Variants in RALGPS2 observed in about 807,000 individuals in gnomAD.
The protein encoded by RALGPS2 is ras-specific guanine nucleotide-releasing factor RalGPS2.
RALGPS2 carries 43 observed loss-of-function variants against 86.8 expected under a neutral mutation model. The ratio of observed to expected loss-of-function variants is 0.50; its 90% confidence interval spans 0.39 to 0.64. RALGPS2 has a LOEUF of 0.64. Among genes scored for constraint, RALGPS2 ranks in the 30% least tolerant of loss-of-function variants. RALGPS2 has a pLI of 0.00. For missense variants in RALGPS2, 536 were observed against 694.6 expected (o/e 0.77, Z 2.57); for synonymous variants, 243 against 231.3 (o/e 1.05, Z -0.46).
intron 4 of RALGPS2, among the ~76,000 whole-genome samples, chr1:178,790,463 A>G (rs1653897893): frequency 6.6e-6 from 1 of 152,200 alleles, no homozygotes. Flanking sequence ...CACCAAGGTA[A>G]TCACCATCCA....
intron 10 of RALGPS2, among the ~76,000 whole-genome samples, chr1:178,881,275 C>T (rs945801716): frequency 2.0e-5 from 3 of 152,132 alleles, no homozygotes; most frequent in East Asian, 1.9e-4. Flanking sequence ...CAGGAGACAG[C>T]GTCATCTGAG....
At chr1:178,778,715 T>TA (rs554348744) in intron 2 of RALGPS2, among the ~76,000 whole-genome samples, 6,095 of 142,574 alleles carry the variant, frequency 0.043, 133 homozygotes, top group Non-Finnish European at 0.055. Flanking sequence ...TATGCAGCCA[T>TA]AAAAAATGAT....
chr1:178,820,500 C>T (rs574091273), intron 6 of RALGPS2, among the ~76,000 whole-genome samples: 2 of 152,314 alleles, frequency 1.3e-5, no homozygotes, highest in South Asian at 2.1e-4. Context: ...CATAGCCCCT[C>T]ACTCTCAAGT....
At position 178,893,965 on chromosome 1, in the gene RALGPS2, G is replaced by C; in HGVS notation, c.1372G>C (p.Val458Leu). The change falls in exon 16 of 20, where the codon GTT (valine) becomes CTT (leucine). Residue 458 changes from valine to leucine, a missense_variant. By Grantham distance (32) the Val-to-Leu change is conservative (BLOSUM62 1). Coordinates refer to ENST00000367635, the MANE Select transcript of RALGPS2 (RefSeq NM_152663.5). ...DLAVHLYPGAVTIQGVLRRKT... is the reference protein window; with the variant it reads ...DLAVHLYPGALTIQGVLRRKT... ...GGCAGTACATTTATATCCAGGAGCTGTTACTATTCAAGGTGTTCTCAGGAG... is the reference window on the plus strand; with the variant it reads ...GGCAGTACATTTATATCCAGGAGCTCTTACTATTCAAGGTGTTCTCAGGAG... 1 of 1,609,278 alleles carries C rather than the reference G, an allele frequency of 6.2e-7. No individual in the cohort carries two copies. Among genetic ancestry groups the C allele is most frequent in the East Asian group, 2.2e-5 (1 of 44,678 alleles).
intron 7 of RALGPS2, among the ~76,000 whole-genome samples, chr1:178,831,469 A>G (rs1255437418): frequency 6.6e-6 from 1 of 152,052 alleles, no homozygotes; most frequent in Non-Finnish European, 1.5e-5. Context: ...TGTGGTGGTA[A>G]GGTGGTGTTA....
chr1:178,918,323 C>A lies in RALGPS2; in HGVS notation c.*1964C>A, dbSNP rs1448748740. 1 of 152,118 alleles carries A rather than the reference C, an allele frequency of 6.6e-6. No homozygotes were observed. The highest frequency in any genetic ancestry group is 1.5e-5 in the Non-Finnish European group (1 of 67,992). The allele number at this position is 152,118 out of a possible 1,614,324, so 9.4% of individuals were successfully genotyped here. On this transcript the variant is annotated 3_prime_UTR_variant, in exon 20 of 20. Transcript: ENST00000367635. Reference sequence around the variant, plus strand: ...AAAATTTCTTAATTTGTTTATTTCTCTTCAGAAATAGCGTTTTTAACAGTG... The same window carrying A: ...AAAATTTCTTAATTTGTTTATTTCTATTCAGAAATAGCGTTTTTAACAGTG...
chr1:178,844,627 AATTGCTT>A (rs1656778914), intron 8 of RALGPS2, among the ~76,000 whole-genome samples: 1 of 152,160 alleles, frequency 6.6e-6, no homozygotes, highest in African/African-American at 2.4e-5. Context: ...TGAAGGAAAA[AATTGCTT>A]TATAAGAGAA....
chr1:178,896,674 ATTG>A (rs1659958715), intron 16 of RALGPS2, among the ~76,000 whole-genome samples: 1 of 138,290 alleles, frequency 7.2e-6, no homozygotes, highest in African/African-American at 2.8e-5. Context: ...ATGTGATCTC[ATTG>A]TTCAATTCCC....
At chr1:178,813,613 A>G (rs1655094414) in intron 6 of RALGPS2, among the ~76,000 whole-genome samples, 1 of 152,254 alleles carries the variant, frequency 6.6e-6, no homozygotes, top group Non-Finnish European at 1.5e-5. Flanking sequence ...ACATGTATAA[A>G]GAGATCTAAA....
intron 4 of RALGPS2, among the ~76,000 whole-genome samples, chr1:178,803,675 A>G (rs925874067): frequency 6.6e-6 from 1 of 150,392 alleles, no homozygotes; most frequent in African/African-American, 2.4e-5. Flanking sequence ...TATTTTTGCT[A>G]TAGAATTGCT....
At chr1:178,773,615 T>C (rs1187322954) in intron 1 of RALGPS2, among the ~76,000 whole-genome samples, 2 of 152,006 alleles carry the variant, frequency 1.3e-5, no homozygotes, top group Admixed American at 1.3e-4. Context: ...GCTAACACGG[T>C]GAAACCCCAT....
intron 4 of RALGPS2, among the ~76,000 whole-genome samples, chr1:178,794,936 T>C (rs563393862): frequency 1.8e-4 from 28 of 152,256 alleles, no homozygotes; most frequent in Admixed American, 1.4e-3. Context: ...TCTCAGCACA[T>C]TGGAAGGCTG....
chr1:178,781,969 G>A (rs1043656930), intron 2 of RALGPS2, among the ~76,000 whole-genome samples: 33 of 152,074 alleles, frequency 2.2e-4, no homozygotes, highest in African/African-American at 7.7e-4. Context: ...TGGAATTCAG[G>A]TTTCTGCTCA....
At chr1:178,735,863 G>A (rs982630314) in intron 1 of RALGPS2, among the ~76,000 whole-genome samples, 1 of 151,844 alleles carries the variant, frequency 6.6e-6, no homozygotes, top group Non-Finnish European at 1.5e-5. Flanking sequence ...CATTTTTAAT[G>A]GTAGCATTGT....
At chr1:178,850,809 G>A (rs1056757156) in intron 8 of RALGPS2, 15 of 186,064 alleles carry the variant, frequency 8.1e-5, no homozygotes, top group Admixed American at 4.9e-4. Context: ...TAAGTATCTT[G>A]AACATGTTAT....
chr1:178,800,593 A>G (rs142779167), intron 4 of RALGPS2, among the ~76,000 whole-genome samples: 2 of 152,340 alleles, frequency 1.3e-5, no homozygotes, highest in East Asian at 3.9e-4. Context: ...TATTATACAT[A>G]TCACATACAA....
intron 1 of RALGPS2, among the ~76,000 whole-genome samples, chr1:178,771,608 AG>A (rs1652815837): frequency 1.3e-5 from 2 of 152,156 alleles, no homozygotes; most frequent in African/African-American, 2.4e-5. Flanking sequence ...GCAGTCTGTG[AG>A]GAAAAACTGT....
intron 1 of RALGPS2, among the ~76,000 whole-genome samples, chr1:178,755,222 T>C (rs1395115289): frequency 6.6e-6 from 1 of 152,166 alleles, no homozygotes; most frequent in Non-Finnish European, 1.5e-5. Flanking sequence ...GGTACATGTG[T>C]AGTAGATTTG....
intron 19 of RALGPS2, among the ~76,000 whole-genome samples, chr1:178,911,477 T>C (rs185246557): frequency 6.6e-6 from 1 of 152,346 alleles, no homozygotes; most frequent in East Asian, 1.9e-4. Flanking sequence ...TACCCAAAAG[T>C]CATTTGGAAG....
Sources: gnomAD v4.1 joint callset for allele counts (sites outside exome capture counted in the v4.1 genomes callset) on GRCh38, gnomAD v4.1.1 for gene constraint, MANE v1.5 for transcripts, NCBI Gene and HGNC (gene_info 2026-07-23, HGNC 2026-07-21) for gene names.